The following CYLC1 variants were observed in gnomAD, a reference collection of about 807,000 sequenced individuals.
CYLC1 encodes the protein cylicin 1, also known as cylicin-1.
CYLC1 carries 2 observed loss-of-function variants against 31.6 expected under a neutral mutation model. The observed-to-expected ratio is 0.06, with a 90% CI of 0.03 to 0.20. The LOEUF is 0.20. Ranked by LOEUF, CYLC1 falls within the 10% of genes least tolerant of loss-of-function variation. The pLI is 1.00. For missense variants in CYLC1, 595 were observed against 424.1 expected, an observed-to-expected ratio of 1.40 and a Z score of -3.54; for synonymous variants, 185 against 153.0, an observed-to-expected ratio of 1.21 and a Z score of -1.54.
chrX:83,880,051 G>C (rs1569336417), intron 4 of CYLC1, among the ~76,000 whole-genome samples: 1 of 111,181 alleles, frequency 9.0e-6, no homozygotes, highest in Non-Finnish European at 1.9e-5. Context: ...TGTATTCTTT[G>C]TCCATTTTTC....
rs775639633 is a variant in CYLC1, at chrX:83,863,251, A to G, written c.17+2052A>G. Reference sequence around the variant, plus strand: ...GGTTTACTACTGCACATATCCCTCCAAAATCTCAAATTCAAACATTTCACT... The same window carrying G: ...GGTTTACTACTGCACATATCCCTCCGAAATCTCAAATTCAAACATTTCACT... On this transcript the variant is annotated intron_variant, in intron 1 of 4. Transcript: ENST00000329312. Among the ~76,000 whole-genome samples the G allele has an allele frequency of 7.2e-4, 80 of 111,299 alleles. 1 individual carries two copies. The highest frequency in any genetic ancestry group is 1.2e-3 in the Non-Finnish European group (65 of 53,016).
In CYLC1 at chrX:83,869,917, G is replaced by C. The variant is rs772847182; in HGVS notation, c.58+12G>C. 3.8e-6 allele frequency: 3 copies of C among 793,010 alleles called. No individual in the cohort carries two copies. The Admixed American group carries it at 1.4e-4, about 38-fold the overall frequency. The allele number at this position is 793,010 out of a possible 1,213,427, so 65.4% of individuals were successfully genotyped here. A position where few individuals can be genotyped will look rare whatever the true frequency, so the allele number is the denominator to read the frequency against. On this transcript the variant is annotated intron_variant, in intron 2 of 4. Coordinates refer to ENST00000329312, the MANE Select transcript of CYLC1 (RefSeq NM_021118.3). ...TAATTCCATTCCAAGTAAGAATTTA[G>C]TTAATGAAGTTTAATATTTCTTAGA...
chrX:83,861,266 G>T (rs2031505843), intron 1 of CYLC1, 67 bp downstream of exon 1: 7 of 790,783 alleles, frequency 8.9e-6, no homozygotes, highest in Non-Finnish European at 1.3e-5. Context: ...AGTTACAAAT[G>T]TATATGTTTA....
At chrX:83,884,479 G>A (rs772148919) in intron 4 of CYLC1, among the ~76,000 whole-genome samples, 55 of 110,894 alleles carry the variant, frequency 5.0e-4, no homozygotes, top group African/African-American at 1.7e-3. Context: ...TTGCTTTTGG[G>A]ATCTTGGTCA....
chrX:83,873,272 T>A lies in CYLC1; in HGVS notation c.564T>A (p.Ser188=). The A allele has an allele frequency of 4.2e-6, 5 of 1,201,939 alleles. No individual in the cohort carries two copies. Among genetic ancestry groups the A allele is most frequent in the Non-Finnish European group, 5.6e-6 (5 of 891,161 alleles). Residue 188 remains serine (S), a synonymous_variant, in exon 4 of 5, where the codon TCT becomes TCA. Transcript: ENST00000329312. ...AAACTAATCCAGAATCCCAAAATTC[T>A]AAGACAGTCTCAAAAAATTGTTCAC... ...SSETNPESQN[S]KTVSKNCSQK...
chrX:83,885,472 T>C (rs996849449), intron 4 of CYLC1, among the ~76,000 whole-genome samples: 1 of 109,348 alleles, frequency 9.1e-6, no homozygotes, highest in Non-Finnish European at 1.9e-5. Context: ...GCGACTATTA[T>C]ATATATATAA....
chrX:83,870,333 C>T (rs2031646361), intron 2 of CYLC1, among the ~76,000 whole-genome samples: 1 of 111,337 alleles, frequency 9.0e-6, no homozygotes, highest in African/African-American at 3.3e-5. Flanking sequence ...AGTCTGCCTG[C>T]ACTGCTATAA....
At chrX:83,876,649 T>C (rs1237029819) in intron 4 of CYLC1, among the ~76,000 whole-genome samples, 1 of 110,512 alleles carries the variant, frequency 9.0e-6, no homozygotes, top group Admixed American at 9.7e-5. Flanking sequence ...GCCATATCTA[T>C]AGGCTTTTCC....
chrX:83,867,992 A>G lies in CYLC1; in HGVS notation c.18-1873A>G, dbSNP rs749460997. ...ATTAAATTCATTTGATTATCAGGAA[A>G]TAAAGTTTAAAGAAAAATGATGAAT... On this transcript the variant is annotated intron_variant, in intron 1 of 4. Coordinates refer to ENST00000329312, the MANE Select transcript of CYLC1 (RefSeq NM_021118.3). Among the ~76,000 whole-genome samples the G allele has an allele frequency of 1.4e-4, 16 of 111,733 alleles. No homozygotes were observed. In the South Asian group the frequency reaches 5.5e-3, roughly 38 times the overall value.
intron 4 of CYLC1, among the ~76,000 whole-genome samples, chrX:83,880,117 G>A (rs914150439): frequency 9.0e-6 from 1 of 111,475 alleles, no homozygotes; most frequent in Non-Finnish European, 1.9e-5. Context: ...CATATTATAG[G>A]TATTACTCCT....
rs1280889051 is a variant in CYLC1, at chrX:83,873,333, A to T, written c.625A>T (p.Thr209Ser). The T allele has an allele frequency of 5.8e-6, 7 of 1,203,501 alleles. No individual in the cohort carries two copies. Among genetic ancestry groups the T allele is most frequent in the East Asian group, 3.0e-5 (1 of 33,684 alleles). Residue 209 changes from threonine to serine, a missense_variant, in exon 4 of 5, where the codon ACA (threonine) becomes TCA (serine). Coordinates refer to ENST00000329312, the MANE Select transcript of CYLC1 (RefSeq NM_021118.3). ...DKKDSKNSKK[T>S]NTEFLHTKNN... is the part of the protein sequence containing the mutation. Reference sequence around the variant, plus strand: ...GAAAGATTCAAAGAATTCCAAGAAGACAAACACTGAATTCCTACATACAAA... The same window carrying T: ...GAAAGATTCAAAGAATTCCAAGAAGTCAAACACTGAATTCCTACATACAAA...
intron 4 of CYLC1, among the ~76,000 whole-genome samples, chrX:83,878,424 T>A (rs867580917): frequency 0.017 from 58 of 3,409 alleles, no homozygotes; most frequent in Admixed American, 0.031. Context: ...TATATATAAA[T>A]ATATATATAA....
intron 1 of CYLC1, among the ~76,000 whole-genome samples, chrX:83,869,383 A>T (rs2031633626): frequency 9.1e-6 from 1 of 109,848 alleles, no homozygotes; most frequent in Non-Finnish European, 1.9e-5. Context: ...CCACCCTCTG[A>T]TAGACCCCAA....
At chrX:83,862,225 A>C (rs1389608312) in intron 1 of CYLC1, among the ~76,000 whole-genome samples, 1 of 111,274 alleles carries the variant, frequency 9.0e-6, no homozygotes, top group Non-Finnish European at 1.9e-5. Context: ...AAAATTCAAT[A>C]AGTTTGAAAG....
At chrX:83,872,030 A>G (rs979483331) in intron 3 of CYLC1, among the ~76,000 whole-genome samples, 1 of 111,225 alleles carries the variant, frequency 9.0e-6, no homozygotes, top group East Asian at 2.8e-4. Flanking sequence ...CTATTATGAT[A>G]TCAAACAATT....
intron 4 of CYLC1, among the ~76,000 whole-genome samples, chrX:83,877,420 A>G (rs2031782813): frequency 9.0e-6 from 1 of 110,753 alleles, no homozygotes; most frequent in Admixed American, 9.7e-5. Context: ...GGCAGAATAA[A>G]ATTTCTTACC....
intron 4 of CYLC1, among the ~76,000 whole-genome samples, chrX:83,878,757 G>A (rs1022518066): frequency 2.9e-5 from 3 of 105,181 alleles, no homozygotes; most frequent in Non-Finnish European, 3.9e-5. Context: ...ATTCTAATTG[G>A]ATGTCTGGAA....
chrX:83,882,711 T>G (rs1437994818), intron 4 of CYLC1, among the ~76,000 whole-genome samples: 1 of 110,970 alleles, frequency 9.0e-6, no homozygotes, highest in East Asian at 2.8e-4. Context: ...CTTCTCTATA[T>G]ACTCTGGGAG....
In CYLC1 at chrX:83,886,649, T is replaced by C. The variant is rs773045977; in HGVS notation, c.*65T>C. 5.1e-5 allele frequency: 48 copies of C among 943,256 alleles called. No homozygotes were observed. In the East Asian group the frequency reaches 1.4e-3, roughly 27 times the overall value. The allele number at this position is 943,256 out of a possible 1,213,427, so 77.7% of individuals were successfully genotyped here. A position where few individuals can be genotyped will look rare whatever the true frequency, so the allele number is the denominator to read the frequency against. ...ACAGTAAGCACCACCTACTCTCAAA[T>C]GAGCATTTCTACCTCTGTGGAACTG... is the stretch of plus-strand genomic sequence containing the variant. On this transcript the variant is annotated 3_prime_UTR_variant, in exon 5 of 5. Transcript: ENST00000329312.
Sources: allele counts gnomAD v4.1 joint callset (sites outside exome capture counted in the v4.1 genomes callset), GRCh38; gene constraint gnomAD v4.1.1; transcripts MANE v1.5; gene names NCBI Gene and HGNC (gene_info 2026-07-23, HGNC 2026-07-21).